Variants in CNTN3 observed in about 807,000 individuals in gnomAD.
CNTN3 encodes contactin-3.
Under a neutral mutation model 119.1 loss-of-function variants are expected in CNTN3, and 60 were observed. That is an observed-to-expected ratio of 0.50 (90% CI 0.41 to 0.62). CNTN3 has a LOEUF of 0.62. CNTN3 is among the 20% of genes least tolerant of loss of function. The probability of loss-of-function intolerance (pLI) is 0.00; values close to 1 mark genes in which losing one functional copy is unlikely to be tolerated. For missense variants in CNTN3, 1,101 were observed against 1,242.4 expected (o/e 0.89, Z 1.71); for synonymous variants, 450 against 438.7 (o/e 1.03, Z -0.32).
intron 13 of CNTN3, among the ~76,000 whole-genome samples, chr3:74,305,357 A>G (rs1216014161): frequency 1.3e-5 from 2 of 152,204 alleles, no homozygotes; most frequent in African/African-American, 4.8e-5. Flanking sequence ...AGCATCTACG[A>G]AGGCAGGACA....
At chr3:74,344,292 C>CTT (rs1389269615) in intron 11 of CNTN3, among the ~76,000 whole-genome samples, 1 of 151,180 alleles carries the variant, frequency 6.6e-6, no homozygotes, top group African/African-American at 2.4e-5. Flanking sequence ...CTGTTGAGTT[C>CTT]TTGCAAGATA....
At chr3:74,365,287 T>C (rs1704162514) in intron 9 of CNTN3, among the ~76,000 whole-genome samples, 1 of 152,132 alleles carries the variant, frequency 6.6e-6, no homozygotes, top group South Asian at 2.1e-4. Flanking sequence ...CCTTCTCTAA[T>C]TTCAATACCA....
chr3:74,552,819 G>A (rs1251639979), intron 1 of CNTN3, among the ~76,000 whole-genome samples: 6 of 151,780 alleles, frequency 4.0e-5, no homozygotes, highest in Non-Finnish European at 7.4e-5. Flanking sequence ...TCCTTCACAA[G>A]CTCTCTCTCC....
chr3:74,449,667 C>A (rs117739136), intron 4 of CNTN3, among the ~76,000 whole-genome samples: 1 of 152,018 alleles, frequency 6.6e-6, no homozygotes. Flanking sequence ...GCAAGAAAAC[C>A]TTCTGATGCA....
intron 13 of CNTN3, among the ~76,000 whole-genome samples, chr3:74,328,109 T>C (rs939415487): frequency 2.0e-5 from 3 of 151,978 alleles, no homozygotes; most frequent in Non-Finnish European, 4.4e-5. Context: ...GTATTTTTTA[T>C]CTGTAGGATT....
intron 5 of CNTN3, among the ~76,000 whole-genome samples, chr3:74,373,549 AC>A (rs945832912): frequency 2.0e-5 from 3 of 152,182 alleles, no homozygotes; most frequent in Admixed American, 2.0e-4. Context: ...AAGAACTCTG[AC>A]TCAGAGTCAG....
intron 1 of CNTN3, among the ~76,000 whole-genome samples, chr3:74,525,565 G>A (rs1575808296): frequency 6.6e-6 from 1 of 151,802 alleles, no homozygotes; most frequent in African/African-American, 2.4e-5. Context: ...AATATCATCT[G>A]CTACAATAAG....
intron 5 of CNTN3, among the ~76,000 whole-genome samples, chr3:74,408,838 C>A (rs1434392300): frequency 6.6e-6 from 1 of 152,122 alleles, no homozygotes; most frequent in Non-Finnish European, 1.5e-5. Context: ...GAAGTCACAT[C>A]ATTGTTTCAT....
At chr3:74,435,676 A>G (rs1362991844) in intron 4 of CNTN3, among the ~76,000 whole-genome samples, 2 of 152,210 alleles carry the variant, frequency 1.3e-5, no homozygotes, top group Non-Finnish European at 2.9e-5. Flanking sequence ...TCTTGAATTT[A>G]ACACATTTAT....
Position 74,499,800 on chromosome 3 carries a change from G to A in CNTN3, c.56-15C>T. 1 of 1,576,846 alleles carries A rather than the reference G, an allele frequency of 6.3e-7. No individual in the cohort carries two copies. The highest frequency in any genetic ancestry group is 8.6e-7 in the Non-Finnish European group (1 of 1,168,096). On this transcript the variant is annotated splice_polypyrimidine_tract_variant and intron_variant, in intron 2 of 22. Coordinates refer to ENST00000263665, the MANE Select transcript of CNTN3 (RefSeq NM_020872.3). Reference sequence around the variant, plus strand: ...GAGAAGCTCACCTATATGGGTGGGAGACATCCAAAAAATAATAATCAGTAA... The same window carrying A: ...GAGAAGCTCACCTATATGGGTGGGAAACATCCAAAAAATAATAATCAGTAA...
intron 5 of CNTN3, among the ~76,000 whole-genome samples, chr3:74,408,085 G>T (rs1701366955): frequency 6.6e-6 from 1 of 152,158 alleles, no homozygotes; most frequent in Admixed American, 6.5e-5. Context: ...TTATAGCTCA[G>T]GGAAGGTAGG....
At chr3:74,533,790 T>C (rs1703725480) in intron 1 of CNTN3, among the ~76,000 whole-genome samples, 1 of 152,024 alleles carries the variant, frequency 6.6e-6, no homozygotes, top group African/African-American at 2.4e-5. Context: ...TGAGCTCTAG[T>C]GCAGAGATTC....
In CNTN3 at chr3:74,528,312, A is replaced by G. The variant is rs555096311; in HGVS notation, c.-80-7120T>C. 1.1e-4 allele frequency among the ~76,000 whole-genome samples: 17 copies of G among 151,988 alleles called. No homozygotes were observed. The East Asian group carries it at 1.9e-3, about 17-fold the overall frequency. ...TAGGATTTAAAAATAGCTTTATAAT[A>G]TAATATAATATGAATGTTTTTCTGC... On this transcript the variant is annotated intron_variant, in intron 1 of 22. Coordinates refer to ENST00000263665, the MANE Select transcript of CNTN3 (RefSeq NM_020872.3).
chr3:74,458,671 G>A (rs1425562289), intron 4 of CNTN3, among the ~76,000 whole-genome samples: 1 of 151,926 alleles, frequency 6.6e-6, no homozygotes, highest in African/African-American at 2.4e-5. Context: ...AGAGATCAGA[G>A]GTTATTAAAG....
chr3:74,613,863 C>A (rs905975859), intron 1 of CNTN3, among the ~76,000 whole-genome samples: 2 of 152,272 alleles, frequency 1.3e-5, no homozygotes, highest in Admixed American at 1.3e-4. Context: ...ATAAACGCGA[C>A]GGGGAACTCC....
chr3:74,526,791 C>T (rs574209003), intron 1 of CNTN3, among the ~76,000 whole-genome samples: 5 of 152,000 alleles, frequency 3.3e-5, no homozygotes, highest in African/African-American at 9.6e-5. Context: ...TGAACACCTA[C>T]AGCACTTTAT....
intron 4 of CNTN3, among the ~76,000 whole-genome samples, chr3:74,467,767 G>A (rs1373295134): frequency 6.6e-6 from 1 of 152,092 alleles, no homozygotes; most frequent in Non-Finnish European, 1.5e-5. Context: ...TAACTGTTCT[G>A]CTATAGACAA....
At chr3:74,388,888 TTA>T (rs1371411638) in intron 5 of CNTN3, among the ~76,000 whole-genome samples, 1 of 152,218 alleles carries the variant, frequency 6.6e-6, no homozygotes, top group Non-Finnish European at 1.5e-5. Context: ...TTTTCATTTC[TTA>T]TGTTAGTTAC....
intron 2 of CNTN3, among the ~76,000 whole-genome samples, chr3:74,509,313 CT>C (rs11318453): frequency 0.71 from 82,562 of 116,896 alleles, 27,861 homozygotes; most frequent in Middle Eastern, 0.76. Context: ...CCTTTCCTTT[CT>C]TTTTTTTTTT....
Sources: gnomAD v4.1 joint callset for allele counts (sites outside exome capture counted in the v4.1 genomes callset) on GRCh38, gnomAD v4.1.1 for gene constraint, MANE v1.5 for transcripts, NCBI Gene and HGNC (gene_info 2026-07-23, HGNC 2026-07-21) for gene names.